The following RASAL2 variants were observed in gnomAD, a reference collection of about 807,000 sequenced individuals.
RASAL2 encodes the protein RAS protein activator like 2.
A neutral mutation model predicts 128.9 loss-of-function variants in RASAL2; 58 were observed. The ratio of observed to expected loss-of-function variants is 0.45; its 90% confidence interval spans 0.36 to 0.56. The LOEUF is 0.56. Ranked by LOEUF, RASAL2 falls within the 20% of genes least tolerant of loss-of-function variation. The pLI is 0.00. For synonymous variants in RASAL2, 561 were observed against 580.8 expected (o/e 0.97, Z 0.49); for missense variants, 1,360 against 1,601.6 (o/e 0.85, Z 2.57).
At chr1:178,184,986 C>T (rs1441893805) in intron 1 of RASAL2, among the ~76,000 whole-genome samples, 2 of 152,060 alleles carry the variant, frequency 1.3e-5, no homozygotes, top group African/African-American at 2.4e-5. Context: ...TTTCTTTCAT[C>T]GATGTTCCAT....
At chr1:178,460,788 T>A (rs1572118157) in intron 14 of RASAL2, among the ~76,000 whole-genome samples, 1 of 152,290 alleles carries the variant, frequency 6.6e-6, no homozygotes, top group African/African-American at 2.4e-5. Flanking sequence ...GTTCATTGTT[T>A]TGAACTTACA....
intron 3 of RASAL2, among the ~76,000 whole-genome samples, chr1:178,387,169 G>A (rs2102591354): frequency 6.6e-6 from 1 of 152,132 alleles, no homozygotes; most frequent in Admixed American, 6.6e-5. Context: ...ATTATTGTGG[G>A]GGTTGAGAAA....
chr1:178,319,159 A>G (rs934731121), intron 3 of RASAL2, among the ~76,000 whole-genome samples: 1 of 152,066 alleles, frequency 6.6e-6, no homozygotes, highest in African/African-American at 2.4e-5. Flanking sequence ...CTGCCGAGAG[A>G]TCCGCTGTTA....
chr1:178,192,594 C>T (rs1249175190), intron 1 of RASAL2, among the ~76,000 whole-genome samples: 1 of 152,100 alleles, frequency 6.6e-6, no homozygotes. Flanking sequence ...TACACACACA[C>T]ATACATGTGA....
Position 178,465,972 on chromosome 1 carries a change from G to A in RASAL2, c.3440G>A (p.Arg1147Gln), listed in dbSNP as rs1209464414. The change falls in exon 16 of 18, where the codon CGA becomes CAA. Residue 1147 changes from arginine to glutamine, a missense_variant. Coordinates refer to ENST00000367649, the MANE Select transcript of RASAL2 (RefSeq NM_170692.4). ...GAGCGCCTGAGAGTTTCCAGCCGGC[G>A]ACTGGAGGAATATGAACGCCGCTTG... Reference protein sequence around the residue: ...LKERLRVSSRRLEEYERRLLV... With the variant: ...LKERLRVSSRQLEEYERRLLV... The A allele has an allele frequency of 8.3e-6, 13 of 1,556,910 alleles. No individual in the cohort carries two copies. The highest frequency in any genetic ancestry group is 4.8e-5 in the East Asian group (2 of 41,522).
chr1:178,301,898 A>G (rs1055200866), intron 3 of RASAL2, among the ~76,000 whole-genome samples: 11 of 152,218 alleles, frequency 7.2e-5, no homozygotes, highest in Non-Finnish European at 1.6e-4. Flanking sequence ...TGTTCGAGGT[A>G]CTGGCCCCAA....
chr1:178,148,107 A>C lies in RASAL2; in HGVS notation c.202+53413A>C, dbSNP rs181528124. 3.0e-3 allele frequency among the ~76,000 whole-genome samples: 454 copies of C among 152,026 alleles called. 2 individuals carry two copies. Among genetic ancestry groups the C allele is most frequent in the African/African-American group, 0.011 (437 of 41,490 alleles). ...ATTAATTAAAAAAATAAAATGATTG[A>C]GTGATTGAGTTGTTAGGTGACTATA... is the stretch of plus-strand genomic sequence containing the variant. On this transcript the variant is annotated intron_variant, in intron 1 of 17. Transcript: ENST00000367649.
intron 3 of RASAL2, among the ~76,000 whole-genome samples, chr1:178,368,999 C>T (rs1163885624): frequency 6.6e-6 from 1 of 151,974 alleles, no homozygotes; most frequent in East Asian, 1.9e-4. Flanking sequence ...ATGTACAGCC[C>T]ACTATAGAGT....
chr1:178,114,124 A>G (rs1454707265), intron 1 of RASAL2, among the ~76,000 whole-genome samples: 2 of 151,708 alleles, frequency 1.3e-5, no homozygotes, highest in African/African-American at 4.8e-5. Context: ...GGAGGATCAT[A>G]TTGTCTGCAA....
Position 178,184,407 on chromosome 1 carries a change from A to G in RASAL2, c.202+89713A>G, listed in dbSNP as rs571952288. ...ATTTTTCCTGTTTTTTTTTTTAAAGAAGTTTTATACTTTTACATTTTACAT... is the reference window on the plus strand; with the variant it reads ...ATTTTTCCTGTTTTTTTTTTTAAAGGAGTTTTATACTTTTACATTTTACAT... On this transcript the variant is annotated intron_variant, in intron 1 of 17. Transcript: ENST00000367649. Among the ~76,000 whole-genome samples the G allele has an allele frequency of 2.6e-5, 4 of 151,076 alleles. No homozygotes were observed. The South Asian group carries it at 8.4e-4, about 32-fold the overall frequency.
intron 3 of RASAL2, among the ~76,000 whole-genome samples, chr1:178,332,256 T>C (rs1215878244): frequency 6.6e-6 from 1 of 152,146 alleles, no homozygotes; most frequent in Admixed American, 6.5e-5. Flanking sequence ...ATCCTAGCAC[T>C]TTGGGAGGCC....
At chr1:178,120,956 C>T (rs1659696242) in intron 1 of RASAL2, 1 of 152,286 alleles carries the variant, frequency 6.6e-6, no homozygotes, top group Non-Finnish European at 1.5e-5. Context: ...TGCTGCTCAT[C>T]TCCTCCTGTG....
intron 3 of RASAL2, among the ~76,000 whole-genome samples, chr1:178,345,720 G>A (rs1264283483): frequency 1.3e-5 from 2 of 152,132 alleles, no homozygotes; most frequent in Non-Finnish European, 2.9e-5. Flanking sequence ...AGGTAAATAA[G>A]TGAAGTGAAA....
chr1:178,105,126 C>T (rs928550026), intron 1 of RASAL2, among the ~76,000 whole-genome samples: 1 of 152,124 alleles, frequency 6.6e-6, no homozygotes, highest in African/African-American at 2.4e-5. Flanking sequence ...AGTTTTATAG[C>T]ATGGGATTAA....
At chr1:178,450,494 C>T (rs1418173591) in intron 9 of RASAL2, among the ~76,000 whole-genome samples, 2 of 152,114 alleles carry the variant, frequency 1.3e-5, no homozygotes, top group Non-Finnish European at 2.9e-5. Flanking sequence ...TATCGCTTCT[C>T]ATCTCCTGTC....
At chr1:178,284,554 A>G (rs1324140440) in intron 2 of RASAL2, among the ~76,000 whole-genome samples, 1 of 152,088 alleles carries the variant, frequency 6.6e-6, no homozygotes, top group Non-Finnish European at 1.5e-5. Context: ...CTTCTAAATT[A>G]AAAAACTCTT....
Position 178,341,553 on chromosome 1 carries a change from C to T in RASAL2, c.457+41435C>T, listed in dbSNP as rs752700739. 9 of 1,613,532 alleles carry T rather than the reference C, an allele frequency of 5.6e-6. No individual in the cohort carries two copies. The South Asian group carries it at 7.7e-5, about 14-fold the overall frequency. On this transcript the variant is annotated intron_variant, in intron 3 of 17. Transcript: ENST00000367649. ...CAAAGTGTTTTGAGTTTCTGACTGG[C>T]GTGCCGGAAAGATCATGTTAGCACA...
intron 3 of RASAL2, among the ~76,000 whole-genome samples, chr1:178,306,467 A>C (rs557343945): frequency 0.018 from 2,748 of 152,200 alleles, 71 homozygotes; most frequent in African/African-American, 0.059. Context: ...CCTGAGGAAT[A>C]GCCACACTGA....
chr1:178,424,580 G>T (rs1424533484), intron 5 of RASAL2, among the ~76,000 whole-genome samples: 1 of 152,106 alleles, frequency 6.6e-6, no homozygotes, highest in African/African-American at 2.4e-5. Flanking sequence ...TCCTGCCTCA[G>T]CCTCCTGAGT....
Sources: gnomAD v4.1 joint callset for allele counts (sites outside exome capture counted in the v4.1 genomes callset) on GRCh38, gnomAD v4.1.1 for gene constraint, MANE v1.5 for transcripts, NCBI Gene and HGNC (gene_info 2026-07-23, HGNC 2026-07-21) for gene names.